CCDC40: variants seen among roughly 807,000 people sequenced by gnomAD.
The protein encoded by CCDC40 is coiled-coil domain-containing protein 40.
CCDC40 carries 104 observed loss-of-function variants against 124.5 expected under a neutral mutation model. The observed-to-expected ratio is 0.84, with a 90% CI of 0.71 to 0.98. The LOEUF (loss-of-function observed/expected upper bound fraction) is 0.98, where lower values mean the gene tolerates loss of function less well. CCDC40 is among the 50% of genes least tolerant of loss of function. The pLI, the probability that CCDC40 is intolerant of heterozygous loss-of-function variation, is 0.00. For missense variants in CCDC40, 1,463 were observed against 1,503.9 expected, an observed-to-expected ratio of 0.97 and a Z score of 0.45; for synonymous variants, 580 against 602.9, an observed-to-expected ratio of 0.96 and a Z score of 0.56.
At chr17:80,061,041 C>A (rs1216040919) in intron 9 of CCDC40, among the ~76,000 whole-genome samples, 1 of 152,090 alleles carries the variant, frequency 6.6e-6, no homozygotes, top group South Asian at 2.1e-4. Flanking sequence ...AAAGCAGGAA[C>A]CTTAAAGGAA....
Position 80,047,285 on chromosome 17 carries a change from T to C in CCDC40, c.559T>C (p.Ser187Pro). 2 of 1,614,068 alleles carry C rather than the reference T, an allele frequency of 1.2e-6. No individual in the cohort carries two copies. The highest frequency in any genetic ancestry group is 1.1e-5 in the South Asian group (1 of 91,080). The change falls in exon 4 of 20, where the codon TCC (serine) becomes CCC (proline). Residue 187 changes from serine to proline, a missense_variant. Coordinates refer to ENST00000397545, the MANE Select transcript of CCDC40 (RefSeq NM_017950.4). The stretch of plus-strand genomic sequence containing the variant: ...TTGGTTGTTCTTGCCATAGACAGGA[T>C]CCACAGAGGAGCCCCAGGGGCAGGT... Reference protein sequence around the residue: ...SGPAVGRLTGSTEEPQGQVLP... With the variant: ...SGPAVGRLTGPTEEPQGQVLP...
chr17:80,057,771 G>A (rs2037788172), intron 7 of CCDC40, among the ~76,000 whole-genome samples: 1 of 151,990 alleles, frequency 6.6e-6, no homozygotes, highest in Admixed American at 6.5e-5. Context: ...AGCTACTCGG[G>A]AGGCTGAGGC....
At chr17:80,051,628 C>CAAAAAAA (rs200887220) in intron 7 of CCDC40, among the ~76,000 whole-genome samples, 1 of 94,134 alleles carries the variant, frequency 1.1e-5, no homozygotes, top group African/African-American at 4.0e-5. Context: ...GACTCCGTCT[C>CAAAAAAA]AAAAAAAAAA....
intron 1 of CCDC40, chr17:80,037,870 G>A: frequency 2.5e-6 from 1 of 399,442 alleles, no homozygotes; most frequent in Non-Finnish European, 4.8e-6. Flanking sequence ...ATCTAATCCT[G>A]CTGTTCCTTC....
chr17:80,056,016 A>ATATATATATATATATTTTTTT, intron 7 of CCDC40, among the ~76,000 whole-genome samples: 1 of 10,258 alleles, frequency 9.7e-5, no homozygotes, highest in African/African-American at 3.5e-4. Context: ...ATATATATAT[A>ATATATATATATATATTTTTTT]TTTTTTTTTT....
At chr17:80,099,453 G>C in intron 19 of CCDC40, 74 bp from the exon 20 acceptor site, 4 of 1,555,438 alleles carry the variant, frequency 2.6e-6, no homozygotes, top group Non-Finnish European at 3.5e-6. Context: ...CCTGGAATCT[G>C]AGTTTGTGGG....
rs75855179 is a variant in CCDC40, at chr17:80,067,672, G to A, written c.1562+2066G>A. On this transcript the variant is annotated intron_variant, in intron 10 of 19. Transcript: ENST00000397545. The stretch of plus-strand genomic sequence containing the variant: ...GGTGCTGCTGTAGATAACCGGATCC[G>A]CGAATGCTAACGCTCACCAGGATGC... 32,584 of 1,535,754 alleles carry A rather than the reference G, an allele frequency of 0.021. 3,964 individuals carry two copies. The African/African-American group carries it at 0.32, about 15-fold the overall frequency.
chr17:80,059,065 C>T (rs2037828135), intron 9 of CCDC40, 85 bp downstream of exon 9: 2 of 1,533,138 alleles, frequency 1.3e-6, no homozygotes, highest in African/African-American at 1.4e-5. Flanking sequence ...CTAGACTGCA[C>T]CTGCCCGTCT....
In CCDC40 at chr17:80,097,380, C is replaced by T. The variant is rs1006639198; in HGVS notation, c.3157C>T (p.Arg1053Trp). 5.6e-6 allele frequency: 9 copies of T among 1,613,836 alleles called. No homozygotes were observed. The highest frequency in any genetic ancestry group is 6.8e-6 in the Non-Finnish European group (8 of 1,180,026). The change falls in exon 19 of 20, where the codon CGG becomes TGG. Residue 1053 changes from arginine (R) to tryptophan (W), a missense_variant. Transcript: ENST00000397545. ...CGACACACTCGAGGCCGACCTCACC[C>T]GGCTTGGGGCCCTCAAACGACAGGT... ...DFDTLEADLT[R>W]LGALKRQNLS...
At position 80,086,090 on chromosome 17, in the gene CCDC40, G is replaced by A. The variant is rs60684213; in HGVS notation, c.2323G>A (p.Val775Met). The A allele has an allele frequency of 0.086, 139,068 of 1,614,060 alleles. 7,071 individuals are homozygous for A. Among genetic ancestry groups the A allele is most frequent in the African/African-American group, 0.21 (15,855 of 75,016 alleles). The change falls in exon 14 of 20, where the codon GTG (valine) becomes ATG (methionine). Residue 775 changes from valine to methionine, a missense_variant. Coordinates refer to ENST00000397545, the MANE Select transcript of CCDC40 (RefSeq NM_017950.4). The surrounding 1 kb of genome is among the most constrained non-coding windows in gnomAD (Gnocchi z 5.5). ...EHDGKAVQAQ[V>M]TWLRLQQEMV... ...CGATGGCAAGGCGGTCCAGGCCCAG[G>A]TGACCTGGCTGCGCCTGCAGCAGGA...
chr17:80,100,201 C>A lies in CCDC40; in HGVS notation c.*426C>A, dbSNP rs1164907228. Reference sequence around the variant, plus strand: ...AGCCAGCCTGGCCCGGGAGGCTGGTCCCCCCAGCACTTCCCTCTACTAGGT... The same window carrying A: ...AGCCAGCCTGGCCCGGGAGGCTGGTACCCCCAGCACTTCCCTCTACTAGGT... On this transcript the variant is annotated 3_prime_UTR_variant, in exon 20 of 20. Transcript: ENST00000397545. 3.7e-6 allele frequency: 1 copy of A among 271,032 alleles called. No individual in the cohort carries two copies. Among genetic ancestry groups the A allele is most frequent in the Middle Eastern group, 1.4e-3 (1 of 700 alleles). 16.8% of individuals were successfully genotyped at this position (271,032 alleles called of 1,614,324 possible).
intron 9 of CCDC40, among the ~76,000 whole-genome samples, chr17:80,061,461 T>C: frequency 6.6e-6 from 1 of 152,310 alleles, no homozygotes. Flanking sequence ...AGAAGACAAC[T>C]CGCAGCCATT....
In CCDC40 at chr17:80,066,087, T is replaced by C. The variant is rs1159376297; in HGVS notation, c.1562+481T>C. The C allele has an allele frequency of 1.4e-6, 1 of 702,952 alleles. No individual in the cohort carries two copies. The highest frequency in any genetic ancestry group is 2.0e-5 in the Admixed American group (1 of 50,014). 43.5% of individuals were successfully genotyped at this position (702,952 alleles called of 1,614,324 possible). A position where few individuals can be genotyped will look rare whatever the true frequency, so the allele number is the denominator to read the frequency against. The stretch of plus-strand genomic sequence containing the variant: ...TGGATGCGTGGCTCAGGGCAGGGCG[T>C]TGGAGACACAGGTGCTGCCTTCATT... On this transcript the variant is annotated intron_variant, in intron 10 of 19. Coordinates refer to ENST00000397545, the MANE Select transcript of CCDC40 (RefSeq NM_017950.4). The surrounding 1 kb of genome is among the most constrained non-coding windows in gnomAD (Gnocchi z 4.4).
Sources: gnomAD v4.1 joint callset for allele counts (sites outside exome capture counted in the v4.1 genomes callset) on GRCh38, gnomAD v4.1.1 for gene constraint, Gnocchi (gnomAD v3.1) non-coding constraint, MANE v1.5 for transcripts, NCBI Gene and HGNC (gene_info 2026-07-23, HGNC 2026-07-21) for gene names.